EDARADD: variants seen among roughly 807,000 people sequenced by gnomAD.
EDARADD encodes EDAR associated via death domain, also known as ectodysplasin-A receptor-associated adapter protein.
EDARADD carries 20 observed loss-of-function variants against 25.6 expected under a neutral mutation model. That is an observed-to-expected ratio of 0.78 (90% confidence interval 0.55 to 1.14). EDARADD has a LOEUF of 1.14. EDARADD is among the 50% of genes most tolerant of loss of function. EDARADD has a pLI of 0.00. For synonymous variants in EDARADD, 86 were observed against 94.4 expected (o/e 0.91, Z 0.52); for missense variants, 225 against 270.1 (o/e 0.83, Z 1.17).
chr1:236,479,637 C>T (rs1659610739), intron 5 of EDARADD, among the ~76,000 whole-genome samples: 1 of 151,974 alleles, frequency 6.6e-6, no homozygotes, highest in Non-Finnish European at 1.5e-5. Context: ...CTACTCCATG[C>T]TCCCCATGCT....
At chr1:236,456,140 G>A (rs1438467391) in intron 4 of EDARADD, among the ~76,000 whole-genome samples, 1 of 152,106 alleles carries the variant, frequency 6.6e-6, no homozygotes, top group Non-Finnish European at 1.5e-5. Context: ...GGCGTGCAGT[G>A]GCGCGATCTC....
At chr1:236,467,112 G>A (rs532375036) in intron 4 of EDARADD, among the ~76,000 whole-genome samples, 5 of 151,694 alleles carry the variant, frequency 3.3e-5, no homozygotes, top group Non-Finnish European at 7.4e-5. Context: ...ACACCAGGAC[G>A]GAGTTAGCAC....
chr1:236,475,360 C>A (rs1390534176), intron 5 of EDARADD, among the ~76,000 whole-genome samples: 2 of 152,140 alleles, frequency 1.3e-5, no homozygotes, highest in Non-Finnish European at 2.9e-5. Context: ...GTGTTAAGTC[C>A]TCCAGAGAGC....
At chr1:236,391,257 C>T (rs927214197), upstream of EDARADD, among the ~76,000 whole-genome samples, 1 of 152,092 alleles carries the variant, frequency 6.6e-6, no homozygotes. Context: ...GGGGTGATGT[C>T]GCCACCACCT....
intron 1 of EDARADD, among the ~76,000 whole-genome samples, chr1:236,408,597 G>C (rs1667778253): frequency 6.6e-6 from 1 of 151,980 alleles, no homozygotes; most frequent in South Asian, 2.1e-4. Context: ...AGACTTTCAG[G>C]CCAGGTGCGG....
In EDARADD at chr1:236,395,500, C is replaced by T; in HGVS notation, c.61+995C>T. The stretch of plus-strand genomic sequence containing the variant: ...GGGAAGGCGGAGGAGGGCAGGGGCG[C>T]GCAGAGCCACGGTTTGCTCCAGGCG... On this transcript the variant is annotated intron_variant, in intron 1 of 5. Transcript: ENST00000334232. The surrounding 1 kb of genome is among the most constrained non-coding windows in gnomAD (Gnocchi z 6.9). 6.6e-7 allele frequency: 1 copy of T among 1,524,712 alleles called. No homozygotes were observed. The highest frequency in any genetic ancestry group is 8.8e-7 in the Non-Finnish European group (1 of 1,139,864). 94.4% of individuals were successfully genotyped at this position (1,524,712 alleles called of 1,614,324 possible). A position where few individuals can be genotyped will look rare whatever the true frequency, so the allele number is the denominator to read the frequency against.
chr1:236,476,180 C>T (rs114711039), intron 5 of EDARADD, among the ~76,000 whole-genome samples: 3,610 of 150,162 alleles, frequency 0.024, 53 homozygotes, highest in Non-Finnish European at 0.037. Flanking sequence ...CTGACAACAG[C>T]GAGACTCCAT....
At position 236,483,885 on chromosome 1, in the gene EDARADD, A is replaced by G. The variant is rs878951163; in HGVS notation, c.*1236A>G. On this transcript the variant is annotated 3_prime_UTR_variant, in exon 6 of 6. Transcript: ENST00000334232. ...GAAAGCTGGCTACACTGATAAGGTG[A>G]TCGTCAGCATGGACGTAGAGGCCTC... 7.2e-7 allele frequency: 1 copy of G among 1,382,262 alleles called. No individual in the cohort carries two copies. The highest frequency in any genetic ancestry group is 1.0e-6 in the Non-Finnish European group (1 of 971,144). The allele number at this position is 1,382,262 out of a possible 1,614,324, so 85.6% of individuals were successfully genotyped here.
intron 4 of EDARADD, among the ~76,000 whole-genome samples, chr1:236,467,682 C>T (rs1659250918): frequency 6.6e-6 from 1 of 150,620 alleles, no homozygotes; most frequent in African/African-American, 2.4e-5. Context: ...CCCTGACAGA[C>T]AAAAAGCAGA....
chr1:236,377,544 A>G (rs141620183), intron 3 of EDARADD, among the ~76,000 whole-genome samples: 1 of 149,680 alleles, frequency 6.7e-6, no homozygotes, highest in Non-Finnish European at 1.5e-5. Flanking sequence ...TCTGATTCTG[A>G]TGCTTGCCCG....
At chr1:236,405,874 CTTCT>C (rs869205931) in intron 1 of EDARADD, among the ~76,000 whole-genome samples, 73 of 30,902 alleles carry the variant, frequency 2.4e-3, no homozygotes, top group African/African-American at 3.1e-3. Context: ...TCCTTCCTTC[CTTCT>C]TTCTTTCTTT....
In EDARADD at chr1:236,480,848, G is replaced by A. The variant is rs115026131; in HGVS notation, c.266-1419G>A. ...ATATACCTCCTGCTAATCAAATGAG[G>A]CTACAGTTGAGTCTTTAAGTTTCAG... On this transcript the variant is annotated intron_variant, in intron 5 of 5. Coordinates refer to ENST00000334232, the MANE Select transcript of EDARADD (RefSeq NM_145861.4). Among the ~76,000 whole-genome samples the A allele has an allele frequency of 6.9e-3, 1,054 of 152,272 alleles. 19 individuals are homozygous for A. The highest frequency in any genetic ancestry group is 0.024 in the African/African-American group (1,010 of 41,538).
At chr1:236,473,280 G>A (rs928392072) in intron 5 of EDARADD, among the ~76,000 whole-genome samples, 4 of 151,978 alleles carry the variant, frequency 2.6e-5, no homozygotes, top group South Asian at 2.1e-4. Flanking sequence ...ACTTTAGCTC[G>A]GAAAGGGTAG....
intron 4 of EDARADD, among the ~76,000 whole-genome samples, chr1:236,440,168 A>G (rs1219968852): frequency 1.3e-5 from 2 of 152,136 alleles, no homozygotes; most frequent in Non-Finnish European, 2.9e-5. Flanking sequence ...AATAGACTAT[A>G]TTTATGTGGT....
intron 4 of EDARADD, among the ~76,000 whole-genome samples, chr1:236,433,115 A>T (rs1364632186): frequency 6.6e-6 from 1 of 152,100 alleles, no homozygotes; most frequent in African/African-American, 2.4e-5. Context: ...AATGATTCTA[A>T]AATAAAAGCG....
At chr1:236,373,676 T>C (rs1388337489) in intron 3 of EDARADD, among the ~76,000 whole-genome samples, 2 of 152,188 alleles carry the variant, frequency 1.3e-5, no homozygotes, top group Non-Finnish European at 2.9e-5. Context: ...CTCTAATTTT[T>C]ATTCTTTCTT....
intron 4 of EDARADD, among the ~76,000 whole-genome samples, chr1:236,447,496 A>G (rs1658595623): frequency 6.6e-6 from 1 of 151,868 alleles, no homozygotes; most frequent in South Asian, 2.1e-4. Context: ...CTTACCCTTC[A>G]TTTGCATGTC....
intron 3 of EDARADD, among the ~76,000 whole-genome samples, chr1:236,379,302 G>A (rs112736839): frequency 0.095 from 14,448 of 151,798 alleles, 1,082 homozygotes; most frequent in East Asian, 0.3. Context: ...CCTGGGAGGC[G>A]GAGGTTGCAG....
chr1:236,382,474 T>C (rs745708423), intron 3 of EDARADD, among the ~76,000 whole-genome samples: 2 of 152,370 alleles, frequency 1.3e-5, no homozygotes, highest in South Asian at 4.1e-4. Context: ...GACCAGTTTT[T>C]CTCCTTATTG....
Sources: allele counts gnomAD v4.1 joint callset (sites outside exome capture counted in the v4.1 genomes callset), GRCh38; gene constraint gnomAD v4.1.1; non-coding constraint Gnocchi (gnomAD v3.1); transcripts MANE v1.5; gene names NCBI Gene and HGNC (gene_info 2026-07-23, HGNC 2026-07-21).